The following SMAD6 variants were observed in gnomAD, a reference collection of about 807,000 sequenced individuals.
SMAD6 encodes MAD homolog 6.
Under a neutral mutation model 39.4 loss-of-function variants are expected in SMAD6, and 103 were observed. The ratio of observed to expected loss-of-function variants is 2.62; its 90% CI spans 2.23 to 3.08. The LOEUF (loss-of-function observed/expected upper bound fraction) is 3.08, where lower values mean the gene tolerates loss of function less well. Ranked by LOEUF, SMAD6 falls within the 30% of genes most tolerant of loss-of-function variation. The pLI is 0.00. For missense variants in SMAD6, 1,104 were observed against 742.9 expected, an observed-to-expected ratio of 1.49 and a Z score of -5.65; for synonymous variants, 445 against 353.3, an observed-to-expected ratio of 1.26 and a Z score of -2.91.
chr15:66,773,267 C>G (rs1357220853), intron 3 of SMAD6, among the ~76,000 whole-genome samples: 1 of 152,110 alleles, frequency 6.6e-6, no homozygotes, highest in Non-Finnish European at 1.5e-5. Flanking sequence ...CAGCTGGGCC[C>G]AGCGTTTGGA....
chr15:66,734,860 T>G (rs1184269421), intron 3 of SMAD6, among the ~76,000 whole-genome samples: 1 of 152,224 alleles, frequency 6.6e-6, no homozygotes, highest in Non-Finnish European at 1.5e-5. Context: ...TTGGTAAGTT[T>G]TATGTTATGT....
intron 3 of SMAD6, among the ~76,000 whole-genome samples, chr15:66,772,952 T>C (rs1033287165): frequency 6.6e-5 from 10 of 152,202 alleles, no homozygotes; most frequent in African/African-American, 2.4e-4. Flanking sequence ...TCCCTCCTCC[T>C]GGTTCTGTCA....
chr15:66,705,523 TG>T (rs762124371), intron 1 of SMAD6: 14 of 152,130 alleles, frequency 9.2e-5, no homozygotes, highest in Non-Finnish European at 1.3e-4. Context: ...CCACTGCCTC[TG>T]GGGAAGGAGA....
chr15:66,704,239 A>T (rs1893058899), intron 1 of SMAD6, 164 bp downstream of exon 1: 1 of 445,168 alleles, frequency 2.2e-6, no homozygotes. Flanking sequence ...GGCCGAGGGG[A>T]GTGGGTGTCC....
In SMAD6 at chr15:66,781,049, G is replaced by C. The variant is rs371677565; in HGVS notation, c.1005G>C (p.Ala335=). Residue 335 remains alanine (A), a synonymous_variant, in exon 4 of 4, where the codon GCG becomes GCC. Transcript: ENST00000288840. ...ATKPSHWCSV[A]YWEHRTRVGR... is the part of the protein sequence containing the mutation. ...AGCCGAGCCACTGGTGCAGCGTGGCGTACTGGGAGCACCGGACGCGCGTGG... is the reference window on the plus strand; with the variant it reads ...AGCCGAGCCACTGGTGCAGCGTGGCCTACTGGGAGCACCGGACGCGCGTGG... 1 of 1,602,190 alleles carries C rather than the reference G, an allele frequency of 6.2e-7. No homozygotes were observed. The highest frequency in any genetic ancestry group is 8.5e-7 in the Non-Finnish European group (1 of 1,178,242).
At chr15:66,709,116 C>T (rs1012698350) in intron 1 of SMAD6, among the ~76,000 whole-genome samples, 17 of 152,218 alleles carry the variant, frequency 1.1e-4, no homozygotes, top group Non-Finnish European at 1.8e-4. Flanking sequence ...GTCTTTGACA[C>T]TCTAAATCCT....
At chr15:66,752,591 A>G in intron 3 of SMAD6, among the ~76,000 whole-genome samples, 1 of 151,978 alleles carries the variant, frequency 6.6e-6, no homozygotes, top group Non-Finnish European at 1.5e-5. Flanking sequence ...TCGAGACCAG[A>G]CTGGGCAACA....
intron 3 of SMAD6, among the ~76,000 whole-genome samples, chr15:66,751,440 A>G (rs1894004447): frequency 6.6e-6 from 1 of 152,162 alleles, no homozygotes. Flanking sequence ...CCAGGCTGAT[A>G]GTGCATGCCC....
At position 66,711,665 on chromosome 15, in the gene SMAD6, CA is replaced by C. The variant is rs1309949141; in HGVS notation, c.818-2del. 1.2e-6 allele frequency: 2 copies of C among 1,613,470 alleles called. No homozygotes were observed. The highest frequency in any genetic ancestry group is 2.7e-5 in the African/African-American group (2 of 74,930). ...CAGTGACATGCTGTCTCCTGTCTTC[CA>C]GAATCTCCGCCACCTCCCTACTCTC... On this transcript the variant is annotated splice_acceptor_variant, in intron 1 of 3. Coordinates refer to ENST00000288840, the MANE Select transcript of SMAD6 (RefSeq NM_005585.5). LOFTEE classifies it high-confidence loss of function.
chr15:66,775,677 G>A (rs1894454864), intron 3 of SMAD6, among the ~76,000 whole-genome samples: 1 of 152,212 alleles, frequency 6.6e-6, no homozygotes, highest in African/African-American at 2.4e-5. Flanking sequence ...CAGGCCCTGA[G>A]CAGGGGGTAG....
chr15:66,753,676 A>G (rs975308632), intron 3 of SMAD6, among the ~76,000 whole-genome samples: 1 of 152,156 alleles, frequency 6.6e-6, no homozygotes, highest in African/African-American at 2.4e-5. Context: ...CTTGCTCCCC[A>G]CCTTGCGCAC....
At chr15:66,718,652 T>A (rs2439402) in intron 3 of SMAD6, among the ~76,000 whole-genome samples, 22,964 of 152,136 alleles carry the variant, frequency 0.15, 1,790 homozygotes, top group South Asian at 0.19. Context: ...GCGTGGAATG[T>A]TCCCCGCTGA....
At chr15:66,756,927 G>C (rs1595790685) in intron 3 of SMAD6, among the ~76,000 whole-genome samples, 1 of 152,184 alleles carries the variant, frequency 6.6e-6, no homozygotes, top group African/African-American at 2.4e-5. Flanking sequence ...CTTTGGGCCC[G>C]ATACTCATAT....
At chr15:66,729,555 G>A (rs560986569) in intron 3 of SMAD6, among the ~76,000 whole-genome samples, 1 of 152,290 alleles carries the variant, frequency 6.6e-6, no homozygotes, top group South Asian at 2.1e-4. Flanking sequence ...TGGATTTCAG[G>A]GTGACAGCGT....
chr15:66,746,179 G>A (rs73471526), intron 3 of SMAD6, among the ~76,000 whole-genome samples: 2,314 of 152,310 alleles, frequency 0.015, 70 homozygotes, highest in African/African-American at 0.05. Context: ...GGAAGGTTTC[G>A]TGATAAATGC....
In SMAD6 at chr15:66,782,098, T is replaced by C. The variant is rs1894589487; in HGVS notation, c.*563T>C. On this transcript the variant is annotated 3_prime_UTR_variant, in exon 4 of 4. Coordinates refer to ENST00000288840, the MANE Select transcript of SMAD6 (RefSeq NM_005585.5). ...GACCTCAGTTTTCAAGTTTTACTTT[T>C]ATTGGATAAAGACAGAACAAATTGA... 1 of 395,640 alleles carries C rather than the reference T, an allele frequency of 2.5e-6. No individual in the cohort carries two copies. The highest frequency in any genetic ancestry group is 2.1e-5 in the African/African-American group (1 of 48,588). The allele number at this position is 395,640 out of a possible 1,614,324, so 24.5% of individuals were successfully genotyped here. A position where few individuals can be genotyped will look rare whatever the true frequency, so the allele number is the denominator to read the frequency against.
At chr15:66,776,781 G>A (rs538358040) in intron 3 of SMAD6, among the ~76,000 whole-genome samples, 142 of 152,326 alleles carry the variant, frequency 9.3e-4, no homozygotes, top group African/African-American at 3.2e-3. Flanking sequence ...AAAATAAAGC[G>A]GTGGTAGTCT....
At chr15:66,756,044 A>AAG (rs71142336) in intron 3 of SMAD6, among the ~76,000 whole-genome samples, 2 of 150,660 alleles carry the variant, frequency 1.3e-5, no homozygotes, top group Admixed American at 6.6e-5. Context: ...AAAAAAAAAA[A>AAG]CTAATTAGAG....
chr15:66,718,111 C>CGTGTGTGTGTGTGTGTGTGTGTGTGTGT (rs57053370), intron 3 of SMAD6, among the ~76,000 whole-genome samples: 3 of 137,156 alleles, frequency 2.2e-5, no homozygotes, highest in African/African-American at 8.6e-5. Flanking sequence ...ATGGAAAGTC[C>CGTGTGTGTGTGTGTGTGTGTGTGTGTGT]GTGTGTGTGT....
Sources: allele counts gnomAD v4.1 joint callset (sites outside exome capture counted in the v4.1 genomes callset), GRCh38; gene constraint gnomAD v4.1.1; transcripts MANE v1.5; gene names NCBI Gene and HGNC (gene_info 2026-07-23, HGNC 2026-07-21).